The following CDC16 variants were observed in gnomAD, a reference collection of about 807,000 sequenced individuals.
CDC16 encodes the protein cell division cycle 16.
A neutral mutation model predicts 87.0 loss-of-function variants in CDC16; 34 were observed. The observed-to-expected ratio is 0.39, with a 90% confidence interval of 0.30 to 0.52. The LOEUF (loss-of-function observed/expected upper bound fraction) is 0.52, where lower values mean the gene tolerates loss of function less well. CDC16 is among the 20% of genes least tolerant of loss of function. CDC16 has a pLI of 0.74. For missense variants in CDC16, 653 were observed against 751.9 expected, an observed-to-expected ratio of 0.87 and a Z score of 1.54; for synonymous variants, 263 against 260.6, an observed-to-expected ratio of 1.01 and a Z score of -0.09.
intron 16 of CDC16, 140 bp downstream of exon 16, chr13:114,263,154 G>C: frequency 2.8e-6 from 2 of 721,072 alleles, no homozygotes; most frequent in Non-Finnish European, 2.3e-6. Context: ...TTTCTTTGCA[G>C]AGAAAAGCAT....
At position 114,272,472 on chromosome 13, in the gene CDC16, C is replaced by A; in HGVS notation, c.*29C>A. ...CAGTCAGTGGTCCTGGTCCCACTGT[C>A]CCAGTGTAGGTTAGTATTCCTTCAC... is the stretch of plus-strand genomic sequence containing the variant. On this transcript the variant is annotated 3_prime_UTR_variant, in exon 18 of 18. Transcript: ENST00000356221. The A allele has an allele frequency of 6.2e-7, 1 of 1,602,122 alleles. No individual in the cohort carries two copies. Among genetic ancestry groups the A allele is most frequent in the Non-Finnish European group, 8.5e-7 (1 of 1,171,806 alleles).
intron 11 of CDC16, 47 bp downstream of exon 11, chr13:114,247,051 T>C (rs753874724): frequency 1.7e-6 from 2 of 1,203,160 alleles, no homozygotes; most frequent in Admixed American, 3.4e-5. Context: ...AGAATTGATG[T>C]CTTGCTCATA....
In CDC16 at chr13:114,257,170, T is replaced by C; in HGVS notation, c.1190T>C (p.Ile397Thr). 6.2e-7 allele frequency: 1 copy of C among 1,613,596 alleles called. No homozygotes were observed. Among genetic ancestry groups the C allele is most frequent in the Non-Finnish European group, 8.5e-7 (1 of 1,179,622 alleles). Residue 397 changes from isoleucine to threonine, a missense_variant, in exon 13 of 18, where the codon ATT becomes ACT. Ile to Thr is a moderately conservative substitution (Grantham distance 89). Coordinates refer to ENST00000356221, the MANE Select transcript of CDC16 (RefSeq NM_001078645.3). ...AGGTTCTTCAGCCAAGCTCTGAGCATTGCACCGGAAGACCCTTTTGTTATG... is the reference window on the plus strand; with the variant it reads ...AGGTTCTTCAGCCAAGCTCTGAGCACTGCACCGGAAGACCCTTTTGTTATG... The part of the protein sequence containing the change: ...AERFFSQALS[I>T]APEDPFVMHE...
intron 1 of CDC16, among the ~76,000 whole-genome samples, chr13:114,235,581 C>A (rs1234496154): frequency 4.6e-5 from 7 of 152,206 alleles, no homozygotes; most frequent in African/African-American, 1.7e-4. Flanking sequence ...TTTAAAAATT[C>A]TCGTTAACTA....
At chr13:114,270,558 A>G (rs1330726526) in intron 17 of CDC16, among the ~76,000 whole-genome samples, 2 of 152,082 alleles carry the variant, frequency 1.3e-5, no homozygotes, top group East Asian at 1.9e-4. Flanking sequence ...AGCTGACAGT[A>G]TTGACCAGGA....
intron 17 of CDC16, among the ~76,000 whole-genome samples, chr13:114,265,968 A>C (rs2083186577): frequency 6.6e-6 from 1 of 152,142 alleles, no homozygotes; most frequent in Admixed American, 6.6e-5. Context: ...GGCATGTGCT[A>C]CCACGCCTAG....
intron 15 of CDC16, 101 bp downstream of exon 15, chr13:114,262,049 T>G: frequency 1.5e-6 from 1 of 650,346 alleles, no homozygotes. Context: ...TCAACCAGCT[T>G]TCTTGTACTT....
chr13:114,262,463 A>T (rs541722811), intron 15 of CDC16, among the ~76,000 whole-genome samples: 2 of 152,366 alleles, frequency 1.3e-5, no homozygotes, highest in South Asian at 4.1e-4. Context: ...TATTCCAGAG[A>T]ACTTTAAGGA....
At chr13:114,243,458 C>G in intron 7 of CDC16, 110 bp downstream of exon 7, 1 of 592,404 alleles carries the variant, frequency 1.7e-6, no homozygotes, top group Non-Finnish European at 3.0e-6. Context: ...TTAAATTTAG[C>G]ACATTTTTAA....
In CDC16 at chr13:114,243,354, TA is replaced by T; in HGVS notation, c.633+10del. On this transcript the variant is annotated splice_region_variant and intron_variant, in intron 7 of 17. Transcript: ENST00000356221. ...TTGAGAACAAATTGAAAAAAGTAAG[TA>T]AAACCAAAGAGTTAGCACTTGCTTT... 7.1e-7 allele frequency: 1 copy of T among 1,408,272 alleles called. No individual in the cohort carries two copies. The highest frequency in any genetic ancestry group is 1.0e-6 in the Non-Finnish European group (1 of 993,162). The allele number at this position is 1,408,272 out of a possible 1,614,324, so 87.2% of individuals were successfully genotyped here.
At chr13:114,268,152 A>C (rs965019176) in intron 17 of CDC16, among the ~76,000 whole-genome samples, 4 of 152,166 alleles carry the variant, frequency 2.6e-5, no homozygotes, top group Non-Finnish European at 4.4e-5. Flanking sequence ...GAGTTCCCCT[A>C]TGTAGAGCAG....
intron 4 of CDC16, 70 bp from the exon 5 acceptor site, chr13:114,239,280 T>A (rs1314429986): frequency 6.5e-7 from 1 of 1,538,032 alleles, no homozygotes; most frequent in Non-Finnish European, 8.8e-7. Context: ...TGTTATCCTT[T>A]AAAAATTCGG....
chr13:114,241,702 CT>C (rs2081562453), intron 5 of CDC16, among the ~76,000 whole-genome samples: 1 of 152,228 alleles, frequency 6.6e-6, no homozygotes, highest in African/African-American at 2.4e-5. Flanking sequence ...TGACTAAATC[CT>C]TTTAAATGCA....
At chr13:114,237,812 A>G (rs746510311) in intron 3 of CDC16, among the ~76,000 whole-genome samples, 40 of 151,998 alleles carry the variant, frequency 2.6e-4, no homozygotes, top group Admixed American at 2.6e-4. Flanking sequence ...CCCCAGTAAC[A>G]GTTTCTCTCT....
At chr13:114,270,334 C>G (rs946976340) in intron 17 of CDC16, among the ~76,000 whole-genome samples, 1 of 152,112 alleles carries the variant, frequency 6.6e-6, no homozygotes, top group Non-Finnish European at 1.5e-5. Context: ...CTCACTATCA[C>G]GAGAACAGCA....
At chr13:114,236,589 T>C (rs2081262247) in intron 1 of CDC16, 56 bp from the exon 2 acceptor site, 4 of 1,497,376 alleles carry the variant, frequency 2.7e-6, no homozygotes, top group Non-Finnish European at 3.7e-6. Context: ...AGATAACTGT[T>C]TAAGACTATT....
chr13:114,268,320 A>G (rs1261026251), intron 17 of CDC16, among the ~76,000 whole-genome samples: 2 of 152,256 alleles, frequency 1.3e-5, no homozygotes, highest in East Asian at 3.8e-4. Context: ...GGTCTTCACT[A>G]CAAGTTGTCC....
chr13:114,255,151 A>T (rs1354115982), intron 12 of CDC16, among the ~76,000 whole-genome samples: 1 of 152,228 alleles, frequency 6.6e-6, no homozygotes, highest in East Asian at 1.9e-4. Flanking sequence ...GACTCCCTTT[A>T]GTATTTCTTA....
chr13:114,258,188 T>C (rs1379993344), intron 13 of CDC16, among the ~76,000 whole-genome samples: 1 of 152,220 alleles, frequency 6.6e-6, no homozygotes, highest in East Asian at 1.9e-4. Flanking sequence ...TTAAAATAAA[T>C]AGTAATCTTT....
Sources: gnomAD v4.1 joint callset for allele counts (sites outside exome capture counted in the v4.1 genomes callset) on GRCh38, gnomAD v4.1.1 for gene constraint, MANE v1.5 for transcripts, NCBI Gene and HGNC (gene_info 2026-07-23, HGNC 2026-07-21) for gene names.